LSR: variants seen among roughly 807,000 people sequenced by gnomAD.
The protein encoded by LSR is lipolysis-stimulated lipoprotein receptor.
Under a neutral mutation model 61.8 loss-of-function variants are expected in LSR, and 44 were observed. The ratio of observed to expected loss-of-function variants is 0.71; its 90% CI spans 0.56 to 0.91. LSR has a LOEUF of 0.91. LSR is among the 40% of genes least tolerant of loss of function. The pLI is 0.00. For synonymous variants in LSR, 397 were observed against 350.6 expected (o/e 1.13, Z -1.48); for missense variants, 911 against 830.5 (o/e 1.10, Z -1.19).
chr19:35,267,323 CCCGCCGAGCA>C lies in LSR; in HGVS notation c.1368_1377del (p.Thr457GlnfsTer88), dbSNP rs1431788987. On this transcript the variant is annotated frameshift_variant, in exon 9 of 10. Coordinates refer to ENST00000605618, the MANE Select transcript of LSR (RefSeq NM_205834.4). LOFTEE classifies it high-confidence loss of function. ...CCGTGGACGCCCTGGACGACCTCAC[CCCGCCGAGCA>C]CCGCCGAGTCAGGGAGCAGGTCTCC... 1.3e-5 allele frequency: 20 copies of C among 1,561,980 alleles called. No homozygotes were observed. Among genetic ancestry groups the C allele is most frequent in the Admixed American group, 5.7e-5 (3 of 52,820 alleles).
Position 35,266,942 on chromosome 19 carries a change from C to A in LSR, c.1119C>A (p.Gly373=). The A allele has an allele frequency of 6.2e-7, 1 of 1,612,198 alleles. No individual in the cohort carries two copies. The highest frequency in any genetic ancestry group is 8.5e-7 in the Non-Finnish European group (1 of 1,179,068). Residue 373 remains glycine, a synonymous_variant, in exon 8 of 10, where the codon GGC becomes GGA. Transcript: ENST00000605618. The part of the protein sequence containing the change: ...ELANFDPSRP[G]PPSGRVERAM... ...CCAACTTCGACCCTTCTCGACCTGGCCCCCCCAGTGGCCGTGTGGAGCGGG... is the reference window on the plus strand; with the variant it reads ...CCAACTTCGACCCTTCTCGACCTGGACCCCCCAGTGGCCGTGTGGAGCGGG...
intron 5 of LSR, chr19:35,264,408 C>G (rs2065970589): frequency 6.6e-6 from 1 of 152,232 alleles, no homozygotes; most frequent in Non-Finnish European, 1.5e-5. Context: ...CCCAACGGGA[C>G]ACTTTCACAG....
At chr19:35,261,779 G>T in intron 3 of LSR, 146 bp from the exon 4 acceptor site, 1 of 472,488 alleles carries the variant, frequency 2.1e-6, no homozygotes, top group Non-Finnish European at 3.7e-6. Context: ...TGGAGGGTAG[G>T]AGCCATGCAC....
Position 35,259,059 on chromosome 19 carries a change from T to A in LSR, c.569T>A (p.Val190Asp). ...AATGAGGCCTACGCAGAGCTCATCG[T>A]CCTTGGTGAGTGGGCCTGGGAAGGG... Reference protein sequence around the residue: ...GNNEAYAELIVLGRTSGVAEL... With the variant: ...GNNEAYAELIDLGRTSGVAEL... Residue 190 changes from valine to aspartate, a missense_variant, in exon 3 of 10, where the codon GTC (valine) becomes GAC (aspartate). Physicochemically the swap from Val to Asp is radical, Grantham distance 152. Transcript: ENST00000605618. 1 of 1,612,568 alleles carries A rather than the reference T, an allele frequency of 6.2e-7. No homozygotes were observed. The highest frequency in any genetic ancestry group is 8.5e-7 in the Non-Finnish European group (1 of 1,178,870).
chr19:35,259,448 T>C (rs1279343920), intron 3 of LSR: 5 of 171,388 alleles, frequency 2.9e-5, no homozygotes, highest in South Asian at 1.3e-4. Context: ...GAGACTAGCC[T>C]GGCCAACGTG....
At chr19:35,251,873 C>T (rs1316956978) in intron 2 of LSR, among the ~76,000 whole-genome samples, 1 of 88,376 alleles carries the variant, frequency 1.1e-5, no homozygotes, top group African/African-American at 4.5e-5. Flanking sequence ...CTCGCTCTGT[C>T]GCCCAGGCTG....
At chr19:35,252,564 G>A (rs1026669123) in intron 2 of LSR, among the ~76,000 whole-genome samples, 2 of 148,202 alleles carry the variant, frequency 1.3e-5, no homozygotes, top group South Asian at 2.2e-4. Context: ...CATGAGAATC[G>A]CTTGAACCCA....
At chr19:35,249,281 C>T in intron 1 of LSR, 150 bp downstream of exon 1, 2 of 963,278 alleles carry the variant, frequency 2.1e-6, no homozygotes, top group Non-Finnish European at 2.9e-6. Flanking sequence ...CTGTTGCGCG[C>T]GGGAGTGAGA....
intron 3 of LSR, chr19:35,259,364 G>A (rs910173765): frequency 1.2e-5 from 3 of 256,364 alleles, no homozygotes; most frequent in Admixed American, 5.0e-5. Flanking sequence ...TGGGGTCCGG[G>A]TGCGGTAGTT....
intron 2 of LSR, among the ~76,000 whole-genome samples, chr19:35,250,967 TG>T (rs1344209792): frequency 6.6e-6 from 1 of 152,008 alleles, no homozygotes; most frequent in African/African-American, 2.4e-5. Context: ...AGTTAATTTT[TG>T]TATTTTTAGT....
intron 2 of LSR, among the ~76,000 whole-genome samples, chr19:35,257,356 C>T (rs1007752393): frequency 1.4e-4 from 21 of 152,222 alleles, no homozygotes; most frequent in African/African-American, 7.2e-5. Flanking sequence ...AGAACCAAGG[C>T]GATGGCAGGG....
chr19:35,260,687 C>T (rs2065915842), intron 3 of LSR, among the ~76,000 whole-genome samples: 1 of 152,070 alleles, frequency 6.6e-6, no homozygotes. Flanking sequence ...ATTAACCAGG[C>T]ATGGTGGCAT....
chr19:35,262,337 G>A (rs868539341), intron 4 of LSR, among the ~76,000 whole-genome samples: 4 of 152,140 alleles, frequency 2.6e-5, no homozygotes, highest in African/African-American at 4.8e-5. Flanking sequence ...GGGGAGGGCC[G>A]TAACTGGGGA....
chr19:35,258,853 C>G, intron 2 of LSR, 92 bp from the exon 3 acceptor site: 3 of 1,537,422 alleles, frequency 2.0e-6, no homozygotes, highest in Non-Finnish European at 1.8e-6. Flanking sequence ...TGCTTGCCCC[C>G]TCCTGGGTGT....
chr19:35,267,141 G>A lies in LSR; in HGVS notation c.1177G>A (p.Asp393Asn), dbSNP rs1236448093. The A allele has an allele frequency of 3.3e-6, 5 of 1,529,006 alleles. No homozygotes were observed. Among genetic ancestry groups the A allele is most frequent in the African/African-American group, 1.4e-5 (1 of 71,886 alleles). 94.7% of individuals were successfully genotyped at this position (1,529,006 alleles called of 1,614,324 possible). Residue 393 changes from aspartate to asparagine, a missense_variant, in exon 9 of 10, where the codon GAC becomes AAC. Physicochemically the swap from Asp to Asn is conservative, Grantham distance 23 (BLOSUM62 1). Transcript: ENST00000605618. Reference protein sequence around the residue: ...MSEVTSLHEDDWRSRPSRGPA... With the variant: ...MSEVTSLHEDNWRSRPSRGPA... ...TGAAGTCACCTCCCTCCACGAGGAC[G>A]ACTGGCGATCTCGGCCTTCCCGGGG...
Position 35,266,757 on chromosome 19 carries a change from G to C in LSR, c.1012+19G>C, listed in dbSNP as rs754574219. 1 of 1,608,936 alleles carries C rather than the reference G, an allele frequency of 6.2e-7. No individual in the cohort carries two copies. Among genetic ancestry groups the C allele is most frequent in the African/African-American group, 1.3e-5 (1 of 74,854 alleles). On this transcript the variant is annotated intron_variant, in intron 7 of 9. Transcript: ENST00000605618. The stretch of plus-strand genomic sequence containing the variant: ...GCCTCTGGTGAGAATCCATCGTCCC[G>C]AAGTTGGATGTGCCTGTAAGGGAGA...
chr19:35,252,234 G>T (rs1386026464), intron 2 of LSR, among the ~76,000 whole-genome samples: 1 of 152,128 alleles, frequency 6.6e-6, no homozygotes, highest in Admixed American at 6.6e-5. Context: ...ATCAAGCATC[G>T]ACTATGTGTC....
intron 2 of LSR, among the ~76,000 whole-genome samples, chr19:35,255,200 A>G (rs950409853): frequency 3.9e-5 from 6 of 152,098 alleles, no homozygotes; most frequent in South Asian, 2.1e-4. Flanking sequence ...GCGGGGCATG[A>G]TGGCACACCC....
intron 2 of LSR, 138 bp from the exon 3 acceptor site, chr19:35,258,807 A>G (rs2065887372): frequency 1.9e-6 from 2 of 1,034,624 alleles, no homozygotes; most frequent in South Asian, 1.3e-5. Context: ...GAATCTTTGC[A>G]TATGCATTTG....
Sources: allele counts gnomAD v4.1 joint callset (sites outside exome capture counted in the v4.1 genomes callset), GRCh38; gene constraint gnomAD v4.1.1; transcripts MANE v1.5; gene names NCBI Gene and HGNC (gene_info 2026-07-23, HGNC 2026-07-21).